FRK: variants seen among roughly 807,000 people sequenced by gnomAD.
The protein encoded by FRK is tyrosine-protein kinase FRK.
A neutral mutation model predicts 56.4 loss-of-function variants in FRK; 51 were observed. The observed-to-expected ratio is 0.90, with a 90% confidence interval of 0.72 to 1.14. The LOEUF (loss-of-function observed/expected upper bound fraction) is 1.14. Ranked by LOEUF, FRK falls within the 50% of genes most tolerant of loss-of-function variation. FRK has a pLI of 0.00. For missense variants in FRK, 570 were observed against 601.4 expected (o/e 0.95, Z 0.55); for synonymous variants, 245 against 217.9 (o/e 1.12, Z -1.10).
intron 5 of FRK, among the ~76,000 whole-genome samples, chr6:115,946,537 A>T (rs1470622520): frequency 1.3e-5 from 2 of 152,220 alleles, no homozygotes; most frequent in African/African-American, 4.8e-5. Context: ...GATACACATG[A>T]ATTACCTATG....
intron 5 of FRK, among the ~76,000 whole-genome samples, chr6:115,955,664 T>C (rs1306127108): frequency 6.6e-6 from 1 of 152,212 alleles, no homozygotes; most frequent in Non-Finnish European, 1.5e-5. Flanking sequence ...TTCTTATCTT[T>C]CTGAAATCTT....
chr6:115,970,773 A>G (rs1266285038), intron 2 of FRK, among the ~76,000 whole-genome samples: 1 of 152,060 alleles, frequency 6.6e-6, no homozygotes, highest in South Asian at 2.1e-4. Flanking sequence ...ATTAGCCAGG[A>G]TTGGTGGCAC....
At chr6:115,959,574 C>T (rs1773244349) in intron 4 of FRK, among the ~76,000 whole-genome samples, 1 of 152,104 alleles carries the variant, frequency 6.6e-6, no homozygotes, top group African/African-American at 2.4e-5. Context: ...CTTTAAAGTG[C>T]CTGTCTCTTG....
At chr6:116,009,857 G>A (rs930541386) in intron 1 of FRK, among the ~76,000 whole-genome samples, 3 of 152,166 alleles carry the variant, frequency 2.0e-5, no homozygotes, top group African/African-American at 7.2e-5. Flanking sequence ...TATAAAATGT[G>A]TCTGCAGGAC....
intron 2 of FRK, among the ~76,000 whole-genome samples, chr6:115,976,344 G>A (rs985587158): frequency 6.6e-6 from 1 of 152,060 alleles, no homozygotes. Context: ...AAACTATTAT[G>A]AAATTCAGGA....
chr6:115,945,498 C>T (rs1438452236), intron 5 of FRK, among the ~76,000 whole-genome samples: 1 of 152,034 alleles, frequency 6.6e-6, no homozygotes, highest in Non-Finnish European at 1.5e-5. Context: ...GATTTCAATA[C>T]CACATGTCAC....
rs1241460673 is a variant in FRK, at chr6:115,938,085, C to G, written c.*4329G>C. On this transcript the variant is annotated 3_prime_UTR_variant, in exon 8 of 8. Transcript: ENST00000606080. Reference sequence around the variant, plus strand: ...TGATCACATAATTGGAAGTAAAACACTCCTCAGCAAATGCAAAAGAACGGA... The same window carrying G: ...TGATCACATAATTGGAAGTAAAACAGTCCTCAGCAAATGCAAAAGAACGGA... 2.0e-5 allele frequency: 3 copies of G among 152,142 alleles called. No individual in the cohort carries two copies. The highest frequency in any genetic ancestry group is 7.2e-5 in the African/African-American group (3 of 41,418). 9.4% of individuals were successfully genotyped at this position (152,142 alleles called of 1,614,324 possible). A position where few individuals can be genotyped will look rare whatever the true frequency, so the allele number is the denominator to read the frequency against.
chr6:116,036,483 T>C (rs151066757), intron 1 of FRK, among the ~76,000 whole-genome samples: 134 of 152,292 alleles, frequency 8.8e-4, no homozygotes, highest in African/African-American at 2.7e-3. Flanking sequence ...AAAAATAATT[T>C]GGGATCATTT....
In FRK at chr6:115,989,898, C is replaced by T. The variant is rs1226377727; in HGVS notation, c.466+13979G>A. ...ATAGGAGTTATACTAATTTACATTC[C>T]CACTACCAGTGCACAAGCATTCCCT... On this transcript the variant is annotated intron_variant, in intron 2 of 7. Coordinates refer to ENST00000606080, the MANE Select transcript of FRK (RefSeq NM_002031.3). Among the ~76,000 whole-genome samples the T allele has an allele frequency of 2.0e-5, 3 of 151,858 alleles. No individual in the cohort carries two copies. In the South Asian group the frequency reaches 6.2e-4, roughly 31 times the overall value.
chr6:115,942,279 A>T lies in FRK; in HGVS notation c.*135T>A. The T allele has an allele frequency of 1.4e-6, 1 of 712,342 alleles. No individual in the cohort carries two copies. The highest frequency in any genetic ancestry group is 1.8e-5 in the African/African-American group (1 of 56,126). 44.1% of individuals were successfully genotyped at this position (712,342 alleles called of 1,614,324 possible). A position where few individuals can be genotyped will look rare whatever the true frequency, so the allele number is the denominator to read the frequency against. On this transcript the variant is annotated 3_prime_UTR_variant, in exon 8 of 8. Transcript: ENST00000606080. The stretch of plus-strand genomic sequence containing the variant: ...ATGCACAAATAATCTTTTTCATAAT[A>T]CATGGCCAACTTTATCCTATCACTT...
chr6:116,000,223 C>CT lies in FRK; in HGVS notation c.466+3653dup, dbSNP rs561273499. 2.6e-3 allele frequency among the ~76,000 whole-genome samples: 139 copies of CT among 53,096 alleles called. 25 individuals carry two copies. The highest frequency in any genetic ancestry group is 5.4e-3 in the African/African-American group (60 of 11,108). The allele number at this position is 53,096 out of a possible 152,430, so 34.8% of individuals were successfully genotyped here. A position where few individuals can be genotyped will look rare whatever the true frequency, so the allele number is the denominator to read the frequency against. On this transcript the variant is annotated intron_variant, in intron 2 of 7. Coordinates refer to ENST00000606080, the MANE Select transcript of FRK (RefSeq NM_002031.3). The stretch of plus-strand genomic sequence containing the variant: ...TTTCCTCATGAAAATATCATTCTTT[C>CT]TTTTTTTTTTTTTTTTTTTTTTTTT...
chr6:115,949,279 T>C (rs891435098), intron 5 of FRK, among the ~76,000 whole-genome samples: 10 of 152,332 alleles, frequency 6.6e-5, no homozygotes, highest in Admixed American at 3.3e-4. Flanking sequence ...CTTTATTTCT[T>C]TCTCTTGCCT....
At chr6:115,999,435 G>T (rs1168603571) in intron 2 of FRK, among the ~76,000 whole-genome samples, 1 of 152,130 alleles carries the variant, frequency 6.6e-6, no homozygotes, top group Non-Finnish European at 1.5e-5. Flanking sequence ...AGACAGCCGT[G>T]CAGGGATCAC....
At chr6:116,009,455 A>G (rs770191784) in intron 1 of FRK, among the ~76,000 whole-genome samples, 1 of 152,372 alleles carries the variant, frequency 6.6e-6, no homozygotes, top group Middle Eastern at 3.4e-3. Flanking sequence ...TAGTAAACCA[A>G]TTAGAAATTT....
rs374511452 is a variant in FRK, at chr6:115,943,119, C to T, written c.1207G>A (p.Glu403Lys). The T allele has an allele frequency of 4.4e-5, 71 of 1,613,096 alleles. No homozygotes were observed. Among genetic ancestry groups the T allele is most frequent in the Admixed American group, 5.0e-5 (3 of 59,794 alleles). ...IKLPVKWTAP[E>K]AIRSNKFSIK... is the part of the protein sequence containing the mutation. Reference sequence around the variant, plus strand: ...CTGAATTTATTACTACGAATGGCTTCGGGCGCAGTCCACTTCACCGGCAGC... The same window carrying T: ...CTGAATTTATTACTACGAATGGCTTTGGGCGCAGTCCACTTCACCGGCAGC... The change falls in exon 7 of 8, where the codon GAA becomes AAA. Residue 403 changes from glutamate to lysine, a missense_variant. Coordinates refer to ENST00000606080, the MANE Select transcript of FRK (RefSeq NM_002031.3).
At chr6:116,016,203 C>T (rs1309198534) in intron 1 of FRK, among the ~76,000 whole-genome samples, 4 of 152,130 alleles carry the variant, frequency 2.6e-5, no homozygotes, top group African/African-American at 9.7e-5. Context: ...CTGCTCTGTG[C>T]ACCTTCTGGA....
chr6:115,985,350 C>G (rs906586747), intron 2 of FRK, among the ~76,000 whole-genome samples: 1 of 152,082 alleles, frequency 6.6e-6, no homozygotes. Context: ...AGGATAGAGA[C>G]AGCGGTGAGG....
intron 1 of FRK, among the ~76,000 whole-genome samples, chr6:116,033,780 A>T (rs200689629): frequency 1.3e-5 from 2 of 152,100 alleles, no homozygotes; most frequent in East Asian, 3.9e-4. Flanking sequence ...TGGCATTTTA[A>T]TGGGGTCACT....
At position 115,943,173 on chromosome 6, in the gene FRK, C is replaced by T; in HGVS notation, c.1153G>A (p.Asp385Asn). The change falls in exon 7 of 8, where the codon GAC becomes AAC. Residue 385 changes from aspartate (D) to asparagine (N), a missense_variant. By Grantham distance (23) the Asp-to-Asn change is conservative. Transcript: ENST00000606080. Reference sequence around the variant, plus strand: ...ATTTCGTGTCTAGATTCATAGATGTCTTCATTATCTACCTGTTCATGTATT... The same window carrying T: ...ATTTCGTGTCTAGATTCATAGATGTTTTCATTATCTACCTGTTCATGTATT... ...LARVFKVDNEDIYESRHEIKL... is the reference protein window; with the variant it reads ...LARVFKVDNENIYESRHEIKL... The T allele has an allele frequency of 6.2e-7, 1 of 1,608,074 alleles. No individual in the cohort carries two copies. Among genetic ancestry groups the T allele is most frequent in the Middle Eastern group, 1.7e-4 (1 of 6,020 alleles).
Sources: gnomAD v4.1 joint callset for allele counts (sites outside exome capture counted in the v4.1 genomes callset) on GRCh38, gnomAD v4.1.1 for gene constraint, MANE v1.5 for transcripts, NCBI Gene and HGNC (gene_info 2026-07-23, HGNC 2026-07-21) for gene names.